The following TANGO6 variants were observed in gnomAD, a reference collection of about 807,000 sequenced individuals.
The protein encoded by TANGO6 is transport and golgi organization 6 homolog.
A neutral mutation model predicts 114.2 loss-of-function variants in TANGO6; 90 were observed. The observed-to-expected ratio is 0.79, with a 90% CI of 0.66 to 0.94. The LOEUF (loss-of-function observed/expected upper bound fraction) is 0.94. TANGO6 is among the 40% of genes least tolerant of loss of function. The probability of loss-of-function intolerance (pLI) is 0.00; values close to 1 mark genes in which losing one functional copy is unlikely to be tolerated. For missense variants in TANGO6, 1,274 were observed against 1,315.3 expected (o/e 0.97, Z 0.49); for synonymous variants, 477 against 509.8 (o/e 0.94, Z 0.87).
At chr16:68,875,808 A>T (rs1962346995) in intron 5 of TANGO6, among the ~76,000 whole-genome samples, 1 of 151,550 alleles carries the variant, frequency 6.6e-6, no homozygotes. Context: ...CTACTAAATG[A>T]TTTGCCCAGC....
At chr16:68,859,037 T>G (rs1962044314) in intron 1 of TANGO6, among the ~76,000 whole-genome samples, 1 of 152,208 alleles carries the variant, frequency 6.6e-6, no homozygotes, top group Admixed American at 6.5e-5. Flanking sequence ...GAAATAGATA[T>G]CTGTTGAAAA....
At chr16:68,898,545 G>A (rs1051047161) in intron 7 of TANGO6, among the ~76,000 whole-genome samples, 2 of 151,900 alleles carry the variant, frequency 1.3e-5, no homozygotes, top group African/African-American at 4.8e-5. Context: ...TCACCATGTT[G>A]CCAAGGCTGT....
chr16:69,009,978 C>T (rs925986316), intron 15 of TANGO6, among the ~76,000 whole-genome samples: 1 of 152,118 alleles, frequency 6.6e-6, no homozygotes, highest in Admixed American at 6.6e-5. Flanking sequence ...TGAGGCCACC[C>T]CCAAATGACT....
intron 14 of TANGO6, among the ~76,000 whole-genome samples, chr16:68,968,860 CGG>C (rs1267174142): frequency 6.7e-6 from 1 of 149,008 alleles, no homozygotes; most frequent in Non-Finnish European, 1.5e-5. Flanking sequence ...TTAGTAGAAA[CGG>C]GGTTTCACTG....
intron 11 of TANGO6, among the ~76,000 whole-genome samples, chr16:68,917,894 A>G (rs1263678588): frequency 6.7e-6 from 1 of 149,698 alleles, no homozygotes; most frequent in African/African-American, 2.5e-5. Flanking sequence ...CTGGGACTAT[A>G]GGCACTTGCC....
At chr16:68,962,501 T>C (rs1296973098) in intron 14 of TANGO6, among the ~76,000 whole-genome samples, 2 of 152,184 alleles carry the variant, frequency 1.3e-5, no homozygotes, top group African/African-American at 4.8e-5. Context: ...TTTTTATTGA[T>C]TACTTTGAAC....
At chr16:68,862,691 CAGTA>C (rs1962115209) in intron 2 of TANGO6, among the ~76,000 whole-genome samples, 1 of 152,158 alleles carries the variant, frequency 6.6e-6, no homozygotes, top group Admixed American at 6.6e-5. Context: ...CAAAACCAGC[CAGTA>C]AGTGAGTTTA....
At chr16:69,080,006 A>G (rs968337658) in intron 17 of TANGO6, among the ~76,000 whole-genome samples, 3 of 152,230 alleles carry the variant, frequency 2.0e-5, no homozygotes, top group Non-Finnish European at 2.9e-5. Context: ...GAATCACTTG[A>G]GGCCAGGAGT....
intron 1 of TANGO6, chr16:68,846,921 G>A (rs1268330026): frequency 1.4e-5 from 2 of 146,598 alleles, no homozygotes; most frequent in Non-Finnish European, 3.0e-5. Context: ...GCGGAGTTTC[G>A]CTCTTGTTGC....
chr16:69,049,453 C>T (rs1256734807), intron 17 of TANGO6, among the ~76,000 whole-genome samples: 8 of 147,936 alleles, frequency 5.4e-5, no homozygotes, highest in Non-Finnish European at 7.5e-5. Flanking sequence ...TTTTTGGAGA[C>T]GAAGTTTCGC....
At chr16:68,858,362 C>T (rs547033652) in intron 1 of TANGO6, among the ~76,000 whole-genome samples, 27 of 152,234 alleles carry the variant, frequency 1.8e-4, no homozygotes, top group African/African-American at 3.4e-4. Context: ...CCGCGCCCAG[C>T]GGAAGATTTT....
At chr16:68,961,025 A>G (rs1275414822) in intron 14 of TANGO6, among the ~76,000 whole-genome samples, 1 of 152,218 alleles carries the variant, frequency 6.6e-6, no homozygotes, top group Non-Finnish European at 1.5e-5. Context: ...TTTCATTAAC[A>G]TCACTACCTC....
chr16:68,925,086 G>A (rs138641543), intron 12 of TANGO6, among the ~76,000 whole-genome samples: 3,936 of 151,752 alleles, frequency 0.026, 59 homozygotes, highest in African/African-American at 0.034. Context: ...TGAGGTGGGC[G>A]GATCACATGA....
chr16:68,859,753 G>T, intron 1 of TANGO6, 131 bp from the exon 2 acceptor site: 1 of 1,046,474 alleles, frequency 9.6e-7, no homozygotes, highest in South Asian at 1.8e-5. Context: ...ACCCCTGGGG[G>T]AGGCTTTCCA....
chr16:68,908,853 G>A (rs1192907450), intron 10 of TANGO6, among the ~76,000 whole-genome samples: 1 of 152,036 alleles, frequency 6.6e-6, no homozygotes, highest in East Asian at 1.9e-4. Context: ...CCATTTCTTT[G>A]TGTGTGTGTG....
At chr16:68,947,390 G>T (rs1963425188) in intron 14 of TANGO6, among the ~76,000 whole-genome samples, 1 of 151,814 alleles carries the variant, frequency 6.6e-6, no homozygotes, top group African/African-American at 2.4e-5. Flanking sequence ...GGAGTCGAAG[G>T]TTGCGGTGAG....
chr16:68,865,275 CA>C (rs60365346), intron 3 of TANGO6, among the ~76,000 whole-genome samples: 1,124 of 70,236 alleles, frequency 0.016, 9 homozygotes, highest in African/African-American at 0.042. Context: ...GACTCCGTCT[CA>C]AAAAAAAAAA....
intron 1 of TANGO6, among the ~76,000 whole-genome samples, chr16:68,852,545 G>A (rs997968497): frequency 7.2e-5 from 11 of 152,022 alleles, no homozygotes; most frequent in East Asian, 1.9e-4. Flanking sequence ...AGAAAAGCTC[G>A]TGGCCAGGTG....
chr16:69,002,382 A>G lies in TANGO6; in HGVS notation c.2843-20446A>G, dbSNP rs1489205191. On this transcript the variant is annotated intron_variant, in intron 15 of 17. Coordinates refer to ENST00000261778, the MANE Select transcript of TANGO6 (RefSeq NM_024562.2). ...AATCTCATCTTGAATTGTAATCCCC[A>G]TAATCGCCATGTATTAAGGAAAGGA... 3.9e-5 allele frequency among the ~76,000 whole-genome samples: 6 copies of G among 152,300 alleles called. No homozygotes were observed. The East Asian group carries it at 1.2e-3, about 29-fold the overall frequency.
Sources: gnomAD v4.1 joint callset for allele counts (sites outside exome capture counted in the v4.1 genomes callset) on GRCh38, gnomAD v4.1.1 for gene constraint, MANE v1.5 for transcripts, NCBI Gene and HGNC (gene_info 2026-07-23, HGNC 2026-07-21) for gene names.